Variants in PALM2AKAP2 observed in about 807,000 individuals in gnomAD.
The protein encoded by PALM2AKAP2 is PALM2 and AKAP2 fusion, also known as PALM2-AKAP2 fusion protein.
In PALM2AKAP2, 37 loss-of-function variants were observed where a neutral mutation model predicts 71.5. The observed-to-expected ratio is 0.52, with a 90% confidence interval of 0.40 to 0.68. The LOEUF (loss-of-function observed/expected upper bound fraction) is 0.68. PALM2AKAP2 is among the 30% of genes least tolerant of loss of function. The probability of loss-of-function intolerance (pLI) is 0.00; values close to 1 mark genes in which losing one functional copy is unlikely to be tolerated. For missense variants in PALM2AKAP2, 1,224 were observed against 1,191.8 expected (o/e 1.03, Z -0.40); for synonymous variants, 468 against 478.8 (o/e 0.98, Z 0.29).
At chr9:109,913,498 C>A (rs936908167) in intron 3 of PALM2AKAP2, among the ~76,000 whole-genome samples, 3 of 152,172 alleles carry the variant, frequency 2.0e-5, no homozygotes, top group Admixed American at 2.0e-4. Context: ...ACAGTTCCAG[C>A]CAACCCCATT....
At chr9:109,734,716 A>G (rs986516566) in intron 1 of PALM2AKAP2, among the ~76,000 whole-genome samples, 21 of 152,216 alleles carry the variant, frequency 1.4e-4, no homozygotes, top group Admixed American at 9.2e-4. Flanking sequence ...TGTTAGAACC[A>G]ATTAGCTATC....
chr9:109,701,501 ACC>A (rs745404058), intron 1 of PALM2AKAP2, among the ~76,000 whole-genome samples: 6,791 of 152,242 alleles, frequency 0.045, 194 homozygotes, highest in Non-Finnish European at 0.053. Context: ...GGAAAGGATT[ACC>A]TATTTAATAA....
chr9:109,832,734 A>G (rs571660576), intron 1 of PALM2AKAP2, among the ~76,000 whole-genome samples: 3 of 152,258 alleles, frequency 2.0e-5, no homozygotes, highest in Admixed American at 6.5e-5. Context: ...CCAATTCCCT[A>G]TATCCCAACA....
chr9:110,132,032 C>CGTGTGTGTGTGTGT (rs3063946), intron 1 of PALM2AKAP2, among the ~76,000 whole-genome samples: 4 of 147,426 alleles, frequency 2.7e-5, no homozygotes, highest in Non-Finnish European at 4.5e-5. Flanking sequence ...AAGTAACTAG[C>CGTGTGTGTGTGTGT]GTGTGTGTGT....
intron 1 of PALM2AKAP2, among the ~76,000 whole-genome samples, chr9:109,830,911 T>G (rs1039850262): frequency 1.3e-5 from 2 of 152,070 alleles, no homozygotes; most frequent in African/African-American, 4.8e-5. Context: ...CTCTGCAGTC[T>G]CTTAAAATTG....
chr9:110,109,692 G>C (rs1317237907), intron 1 of PALM2AKAP2, among the ~76,000 whole-genome samples: 1 of 152,194 alleles, frequency 6.6e-6, no homozygotes, highest in African/African-American at 2.4e-5. Context: ...CTGAATCCTT[G>C]CTGAAAATAG....
At chr9:110,001,057 C>G (rs1324385978) in intron 6 of PALM2AKAP2, among the ~76,000 whole-genome samples, 1 of 152,144 alleles carries the variant, frequency 6.6e-6, no homozygotes, top group Non-Finnish European at 1.5e-5. Context: ...GTTGCCATTG[C>G]TTTTTGTGTT....
At chr9:109,745,903 A>G (rs766499404) in intron 1 of PALM2AKAP2, among the ~76,000 whole-genome samples, 11 of 152,348 alleles carry the variant, frequency 7.2e-5, no homozygotes, top group Non-Finnish European at 1.2e-4. Flanking sequence ...AACGTTGCAA[A>G]GAAGCCAACT....
intron 6 of PALM2AKAP2, among the ~76,000 whole-genome samples, chr9:109,952,986 G>T (rs533418894): frequency 6.6e-6 from 1 of 152,328 alleles, no homozygotes; most frequent in African/African-American, 2.4e-5. Context: ...CCAACCAGAG[G>T]CCTCATGCTG....
intron 1 of PALM2AKAP2, among the ~76,000 whole-genome samples, chr9:109,707,872 A>G (rs1399185593): frequency 6.6e-6 from 1 of 152,204 alleles, no homozygotes; most frequent in Non-Finnish European, 1.5e-5. Flanking sequence ...TCATAATCGC[A>G]TAGTGGCACC....
chr9:109,908,325 C>T (rs1191029146), intron 3 of PALM2AKAP2, among the ~76,000 whole-genome samples: 2 of 152,134 alleles, frequency 1.3e-5, no homozygotes, highest in South Asian at 2.1e-4. Context: ...ATGCTGAAAA[C>T]ATTTGGATTG....
At chr9:109,691,833 GATATATATATATATAT>G (rs1185965530) in intron 1 of PALM2AKAP2, among the ~76,000 whole-genome samples, 17 of 36,040 alleles carry the variant, frequency 4.7e-4, no homozygotes, top group Admixed American at 1.4e-3. Context: ...CCAGAAAGAC[GATATATATATATATAT>G]ATATATATAT....
chr9:109,814,381 A>G (rs143970684), intron 1 of PALM2AKAP2, among the ~76,000 whole-genome samples: 268 of 152,358 alleles, frequency 1.8e-3, no homozygotes, highest in African/African-American at 6.2e-3. Flanking sequence ...ACAGGGCGAG[A>G]CATACTATAT....
intron 1 of PALM2AKAP2, among the ~76,000 whole-genome samples, chr9:109,691,199 A>ACACACACACG (rs1827878946): frequency 6.6e-6 from 1 of 151,862 alleles, no homozygotes; most frequent in Non-Finnish European, 1.5e-5. Context: ...ACACACACAC[A>ACACACACACG]CACACATGCA....
At position 109,879,699 on chromosome 9, in the gene PALM2AKAP2, G is replaced by T. The variant is rs556326821; in HGVS notation, c.127-852G>T. ...TACACTTGCAAACATGGGATGTATG[G>T]TTTTTTTTTTTTTTTTTGACAGGGT... On this transcript the variant is annotated intron_variant, in intron 2 of 9. Transcript: ENST00000302798. Among the ~76,000 whole-genome samples the T allele has an allele frequency of 5.1e-3, 689 of 135,072 alleles. 5 individuals are homozygous for T. The highest frequency in any genetic ancestry group is 0.018 in the African/African-American group (643 of 36,636). 88.6% of individuals were successfully genotyped at this position (135,072 alleles called of 152,430 possible). A position where few individuals can be genotyped will look rare whatever the true frequency, so the allele number is the denominator to read the frequency against.
chr9:109,912,096 AG>A (rs1830583096), intron 3 of PALM2AKAP2, among the ~76,000 whole-genome samples: 1 of 152,118 alleles, frequency 6.6e-6, no homozygotes, highest in South Asian at 2.1e-4. Context: ...TGTCAGGAGC[AG>A]TTTGAGGTCT....
At chr9:109,702,494 A>C (rs2118585709) in intron 1 of PALM2AKAP2, among the ~76,000 whole-genome samples, 1 of 152,220 alleles carries the variant, frequency 6.6e-6, no homozygotes, top group East Asian at 1.9e-4. Flanking sequence ...TTGCAAGGAC[A>C]AAAAACCAAA....
At chr9:109,876,561 C>T (rs1008706290) in intron 2 of PALM2AKAP2, among the ~76,000 whole-genome samples, 2 of 152,164 alleles carry the variant, frequency 1.3e-5, no homozygotes, top group African/African-American at 4.8e-5. Context: ...CTCACTGCAA[C>T]ATCTGCTTCC....
intron 6 of PALM2AKAP2, among the ~76,000 whole-genome samples, chr9:109,976,735 C>T (rs1832178840): frequency 6.6e-6 from 1 of 152,210 alleles, no homozygotes; most frequent in South Asian, 2.1e-4. Flanking sequence ...TATGTGTTAT[C>T]TCATTAAATC....
Sources: allele counts gnomAD v4.1 joint callset (sites outside exome capture counted in the v4.1 genomes callset), GRCh38; gene constraint gnomAD v4.1.1; transcripts MANE v1.5; gene names NCBI Gene and HGNC (gene_info 2026-07-23, HGNC 2026-07-21).